GZMM: variants seen among roughly 807,000 people sequenced by gnomAD.
GZMM encodes the protein granzyme M.
GZMM carries 23 observed loss-of-function variants against 19.2 expected under a neutral mutation model. The observed-to-expected ratio is 1.20, with a 90% CI of 0.86 to 1.69. The LOEUF is 1.69. GZMM is among the 40% of genes most tolerant of loss of function. The probability of loss-of-function intolerance (pLI) is 0.00; values close to 1 mark genes in which losing one functional copy is unlikely to be tolerated. For synonymous variants in GZMM, 178 were observed against 160.2 expected (o/e 1.11, Z -0.84); for missense variants, 373 against 352.2 (o/e 1.06, Z -0.47).
chr19:547,435 CG>C lies in GZMM; in HGVS notation c.212+1del. On this transcript the variant is annotated frameshift_variant and splice_region_variant, in exon 2 of 5. Coordinates refer to ENST00000264553, the MANE Select transcript of GZMM (RefSeq NM_005317.4). LOFTEE classifies it high-confidence loss of function. ...VLTAAHCLAQRMAQLRLVLGL... is the reference protein window; with the variant it reads ...VLTAAHCLAQXMAQLRLVLGL... ...GACGGCTGCCCACTGCCTGGCCCAG[CG>C]GTGAGTACCCTGCCCTGCCCACCCC... The C allele has an allele frequency of 6.9e-7, 1 of 1,441,030 alleles. No homozygotes were observed. 89.3% of individuals were successfully genotyped at this position (1,441,030 alleles called of 1,614,324 possible). A position where few individuals can be genotyped will look rare whatever the true frequency, so the allele number is the denominator to read the frequency against.
chr19:547,364 G>C lies in GZMM; in HGVS notation c.140G>C (p.Gly47Ala), dbSNP rs753181415. ...TACATGGCCTCACTGCAGAGAAATG[G>C]CTCCCACCTGTGCGGGGGTGTCCTG... ...RPYMASLQRN[G>A]SHLCGGVLVH... The change falls in exon 2 of 5, where the codon GGC (glycine) becomes GCC (alanine). Residue 47 changes from glycine to alanine, a missense_variant. By Grantham distance (60) the Gly-to-Ala change is moderately conservative. Transcript: ENST00000264553. 1 of 1,572,676 alleles carries C rather than the reference G, an allele frequency of 6.4e-7. No homozygotes were observed. Among genetic ancestry groups the C allele is most frequent in the South Asian group, 1.2e-5 (1 of 86,152 alleles).
Position 548,594 on chromosome 19 carries a change from C to A in GZMM, c.265C>A (p.Leu89Ile), listed in dbSNP as rs757021979. 6 of 1,613,512 alleles carry A rather than the reference C, an allele frequency of 3.7e-6. No homozygotes were observed. In the South Asian group the frequency reaches 6.6e-5, roughly 18 times the overall value. ...GCTCCACACCCTGGACAGCCCCGGT[C>A]TCACCTTCCACATCAAGGCAGCCAT... ...LGLHTLDSPG[L>I]TFHIKAAIQH... The change falls in exon 3 of 5, where the codon CTC (leucine) becomes ATC (isoleucine). Residue 89 changes from leucine to isoleucine, a missense_variant. Coordinates refer to ENST00000264553, the MANE Select transcript of GZMM (RefSeq NM_005317.4).
intron 2 of GZMM, among the ~76,000 whole-genome samples, chr19:547,793 G>T (rs1980345488): frequency 6.6e-6 from 1 of 152,184 alleles, no homozygotes. Flanking sequence ...GGAGGGTCAG[G>T]TGGGGGTGTT....
intron 1 of GZMM, 82 bp from the exon 2 acceptor site, chr19:547,198 C>G: frequency 7.7e-7 from 1 of 1,302,528 alleles, no homozygotes; most frequent in Non-Finnish European, 1.0e-6. Context: ...GGGTCCTGGG[C>G]CTCTGAGCTG....
At position 547,380 on chromosome 19, in the gene GZMM, G is replaced by A. The variant is rs768715164; in HGVS notation, c.156G>A (p.Gly52=). ...SLQRNGSHLC[G]GVLVHPKWVL... The stretch of plus-strand genomic sequence containing the variant: ...AGAGAAATGGCTCCCACCTGTGCGG[G>A]GGTGTCCTGGTGCACCCAAAGTGGG... Residue 52 remains glycine, a synonymous_variant, in exon 2 of 5, where the codon GGG becomes GGA. Coordinates refer to ENST00000264553, the MANE Select transcript of GZMM (RefSeq NM_005317.4). The A allele has an allele frequency of 4.5e-6, 7 of 1,551,740 alleles. No homozygotes were observed. Among genetic ancestry groups the A allele is most frequent in the African/African-American group, 4.2e-5 (3 of 71,710 alleles).
chr19:545,296 G>A (rs1980233449), intron 1 of GZMM, among the ~76,000 whole-genome samples: 1 of 152,162 alleles, frequency 6.6e-6, no homozygotes, highest in Admixed American at 6.6e-5. Flanking sequence ...GAGGAAGCCG[G>A]TGGGGGAAAG....
chr19:545,212 G>A (rs867347308), intron 1 of GZMM, among the ~76,000 whole-genome samples: 1 of 151,858 alleles, frequency 6.6e-6, no homozygotes, highest in Non-Finnish European at 1.5e-5. Flanking sequence ...GCATGAGACT[G>A]TGCAGAGCGG....
chr19:549,605 G>A, intron 4 of GZMM, 25 bp from the exon 5 acceptor site: 2 of 1,603,208 alleles, frequency 1.2e-6, no homozygotes, highest in Non-Finnish European at 1.7e-6. Context: ...TGCAGAGGCT[G>A]AGCTGCGGTG....
intron 1 of GZMM, among the ~76,000 whole-genome samples, chr19:545,946 A>G (rs112854396): frequency 0.014 from 2,090 of 151,858 alleles, 25 homozygotes; most frequent in East Asian, 0.062. Flanking sequence ...CCCGGCCTTA[A>G]TTTCTGTATT....
At chr19:547,869 G>T (rs2070799) in intron 2 of GZMM, among the ~76,000 whole-genome samples, 2 of 152,134 alleles carry the variant, frequency 1.3e-5, no homozygotes, top group African/African-American at 4.8e-5. Context: ...CCTGGTTCCC[G>T]GGGATCAGGA....
In GZMM at chr19:549,293, CAG is replaced by C. The variant is rs966611655; in HGVS notation, c.612+109_612+110del. 358 of 1,151,862 alleles carry C rather than the reference CAG, an allele frequency of 3.1e-4. 1 individual carries two copies. The highest frequency in any genetic ancestry group is 7.6e-5 in the Non-Finnish European group (63 of 832,612). The allele number at this position is 1,151,862 out of a possible 1,614,324, so 71.4% of individuals were successfully genotyped here. On this transcript the variant is annotated intron_variant, in intron 4 of 4. Coordinates refer to ENST00000264553, the MANE Select transcript of GZMM (RefSeq NM_005317.4). ...TCTCCCGTTCTCTGGGGAGTCCTGT[CAG>C]GGGCTGGGGGGCGGGGAAGCACTGG...
At position 544,075 on chromosome 19, in the gene GZMM, G is replaced by A. The variant is rs1458210653; in HGVS notation, c.4G>A (p.Glu2Lys). 3.6e-5 allele frequency: 56 copies of A among 1,548,396 alleles called. No homozygotes were observed. Among genetic ancestry groups the A allele is most frequent in the Non-Finnish European group, 4.6e-5 (53 of 1,146,856 alleles). M[E>K]ACVSSLLVLA... ...CACACTGGGTCTCCACAGCGGCATG[G>A]AGGCCTGCGTGTCTTCACTGCTGGT... The change falls in exon 1 of 5, where the codon GAG becomes AAG. Residue 2 changes from glutamate to lysine, a missense_variant. Coordinates refer to ENST00000264553, the MANE Select transcript of GZMM (RefSeq NM_005317.4).
chr19:547,188 G>T, intron 1 of GZMM, 92 bp from the exon 2 acceptor site: 2 of 1,205,740 alleles, frequency 1.7e-6, no homozygotes, highest in Non-Finnish European at 1.1e-6. Context: ...CATCTGCTTG[G>T]GGTCCTGGGC....
At position 549,774 on chromosome 19, in the gene GZMM, ACCGG is replaced by A; in HGVS notation, c.761_764del (p.Gly254AspfsTer8). On this transcript the variant is annotated frameshift_variant, in exon 5 of 5. Coordinates refer to ENST00000264553, the MANE Select transcript of GZMM (RefSeq NM_005317.4). LOFTEE classifies it high-confidence loss of function. ...TTACGTGTCCTGGATCAGGAAGGTC[ACCGG>A]CCGATCGGCCTGATGCCCTGGGGTG... 5.2e-6 allele frequency: 8 copies of A among 1,550,614 alleles called. No individual in the cohort carries two copies. Among genetic ancestry groups the A allele is most frequent in the Non-Finnish European group, 7.0e-6 (8 of 1,141,632 alleles).
chr19:544,246 G>A (rs1051064143), intron 1 of GZMM, 120 bp downstream of exon 1: 2 of 827,314 alleles, frequency 2.4e-6, no homozygotes, highest in East Asian at 2.7e-5. Context: ...ATTCATCCTT[G>A]TTTGGAGGGG....
chr19:548,335 G>T (rs982619105), intron 2 of GZMM, among the ~76,000 whole-genome samples: 1 of 152,144 alleles, frequency 6.6e-6, no homozygotes, highest in Non-Finnish European at 1.5e-5. Context: ...CCGGGCAGAA[G>T]TCTGGGGCAG....
At chr19:547,030 G>T (rs932078048) in intron 1 of GZMM, among the ~76,000 whole-genome samples, 2 of 148,362 alleles carry the variant, frequency 1.3e-5, no homozygotes, top group African/African-American at 2.5e-5. Context: ...GCCCAGTGGG[G>T]CCTGGGGAGG....
chr19:547,265 C>T lies in GZMM; in HGVS notation c.56-15C>T. The T allele has an allele frequency of 2.7e-6, 4 of 1,496,422 alleles. No homozygotes were observed. Among genetic ancestry groups the T allele is most frequent in the East Asian group, 2.6e-5 (1 of 38,976 alleles). The allele number at this position is 1,496,422 out of a possible 1,614,324, so 92.7% of individuals were successfully genotyped here. A position where few individuals can be genotyped will look rare whatever the true frequency, so the allele number is the denominator to read the frequency against. ...ATGTAGCCCCAACCTGGCTCTTTGT[C>T]CCCCATCCTGGCAGGCAGCTCCTTT... is the stretch of plus-strand genomic sequence containing the variant. On this transcript the variant is annotated splice_polypyrimidine_tract_variant and intron_variant, in intron 1 of 4. Transcript: ENST00000264553.
chr19:544,980 C>G (rs958054415), intron 1 of GZMM, among the ~76,000 whole-genome samples: 11 of 149,834 alleles, frequency 7.3e-5, no homozygotes, highest in African/African-American at 2.7e-4. Context: ...CTTCCCTCCA[C>G]CCGTCATCCT....
Sources: gnomAD v4.1 joint callset for allele counts (sites outside exome capture counted in the v4.1 genomes callset) on GRCh38, gnomAD v4.1.1 for gene constraint, MANE v1.5 for transcripts, NCBI Gene and HGNC (gene_info 2026-07-23, HGNC 2026-07-21) for gene names.